Variants in IGSF10 observed in about 807,000 individuals in gnomAD.
The protein encoded by IGSF10 is immunoglobulin superfamily member 10, also known as calvaria mechanical force protein 608.
In IGSF10, 126 loss-of-function variants were observed where a neutral mutation model predicts 128.2. That is an observed-to-expected ratio of 0.98 (90% CI 0.85 to 1.14). IGSF10 has a LOEUF of 1.14. Ranked by LOEUF, IGSF10 falls within the 50% of genes most tolerant of loss-of-function variation. The pLI is 0.00. For synonymous variants in IGSF10, 1,185 were observed against 1,146.2 expected, an observed-to-expected ratio of 1.03 and a Z score of -0.68; for missense variants, 3,295 against 3,149.8, an observed-to-expected ratio of 1.05 and a Z score of -1.10.
chr3:151,508,641 T>G, the IGSF10 span, among the ~76,000 whole-genome samples: 1 of 152,200 alleles, frequency 6.6e-6, no homozygotes, highest in Non-Finnish European at 1.5e-5. Context: ...TTTAAATCTT[T>G]GACATATTTG....
the IGSF10 span, among the ~76,000 whole-genome samples, chr3:151,470,090 A>G: frequency 8.5e-5 from 13 of 152,270 alleles, no homozygotes; most frequent in South Asian, 2.7e-3. Context: ...TGCCACAAGG[A>G]TTTACCAAAG....
At chr3:151,530,153 A>G in the IGSF10 span, among the ~76,000 whole-genome samples, 1 of 151,946 alleles carries the variant, frequency 6.6e-6, no homozygotes, top group Non-Finnish European at 1.5e-5. Flanking sequence ...AGACGTCAAG[A>G]TTAGAGAAAA....
At chr3:151,433,210 T>C (rs1337637799), downstream of IGSF10, 1 of 158,068 alleles carries the variant, frequency 6.3e-6, no homozygotes, top group Non-Finnish European at 1.4e-5. Context: ...TTCCAAACTG[T>C]GCTGGACCAA....
At chr3:151,534,418 T>C in the IGSF10 span, among the ~76,000 whole-genome samples, 13 of 152,158 alleles carry the variant, frequency 8.5e-5, no homozygotes, top group Non-Finnish European at 4.4e-5. Context: ...TGCCCATCAA[T>C]GATAGACCAG....
the IGSF10 span, among the ~76,000 whole-genome samples, chr3:151,584,805 G>A: frequency 6.6e-6 from 1 of 152,182 alleles, no homozygotes; most frequent in Non-Finnish European, 1.5e-5. Flanking sequence ...TCCTAGGGAA[G>A]CTGGTTCCTC....
At chr3:151,587,163 A>G in the IGSF10 span, among the ~76,000 whole-genome samples, 1 of 152,166 alleles carries the variant, frequency 6.6e-6, no homozygotes, top group Non-Finnish European at 1.5e-5. Flanking sequence ...CAGCCTCTCT[A>G]TATCTTAGAC....
Position 151,446,077 on chromosome 3 carries a change from T to C in IGSF10, c.3904A>G (p.Ile1302Val), listed in dbSNP as rs369750496. Residue 1302 changes from isoleucine to valine, a missense_variant, in exon 6 of 8, where the codon ATA becomes GTA. By Grantham distance (29) the Ile-to-Val change is conservative. Transcript: ENST00000282466. ...CTTTTTGTACTTGAGTCTTTGCTTA[T>C]AATACTAGGAAGCATAGGGTTAAGG... ...PPLNPMLPSI[I>V]SKDSSTKSII... 16 of 1,614,034 alleles carry C rather than the reference T, an allele frequency of 9.9e-6. No individual in the cohort carries two copies. Among genetic ancestry groups the C allele is most frequent in the Non-Finnish European group, 1.4e-5 (16 of 1,180,006 alleles).
the IGSF10 span, among the ~76,000 whole-genome samples, chr3:151,539,808 CT>C: frequency 2.7e-5 from 4 of 149,374 alleles, no homozygotes; most frequent in East Asian, 2.0e-4. Flanking sequence ...ATCTATCTAT[CT>C]ATCTATCATC....
chr3:151,526,423 C>T, the IGSF10 span, among the ~76,000 whole-genome samples: 1 of 151,676 alleles, frequency 6.6e-6, no homozygotes, highest in Non-Finnish European at 1.5e-5. Context: ...TTTTAAAAGA[C>T]TTGGTATAAT....
At chr3:151,565,093 T>C in the IGSF10 span, among the ~76,000 whole-genome samples, 129 of 152,288 alleles carry the variant, frequency 8.5e-4, no homozygotes, top group African/African-American at 2.9e-3. Context: ...TATTATGCTA[T>C]ACTTTCTCTC....
chr3:151,486,326 C>G, the IGSF10 span, among the ~76,000 whole-genome samples: 1 of 152,156 alleles, frequency 6.6e-6, no homozygotes, highest in Non-Finnish European at 1.5e-5. Flanking sequence ...AAAGCAAGTT[C>G]TTAGAGCCCT....
the IGSF10 span, among the ~76,000 whole-genome samples, chr3:151,502,271 AC>A: frequency 6.6e-6 from 1 of 152,030 alleles, no homozygotes; most frequent in South Asian, 2.1e-4. Flanking sequence ...AGTATCAACA[AC>A]AAGTTCAGGA....
At chr3:151,471,635 A>G in the IGSF10 span, among the ~76,000 whole-genome samples, 3 of 152,232 alleles carry the variant, frequency 2.0e-5, no homozygotes, top group African/African-American at 7.2e-5. Context: ...GGAATGATAT[A>G]GAAACTATGA....
At chr3:151,558,013 T>TATATAATATATATATATATATA in the IGSF10 span, among the ~76,000 whole-genome samples, 4 of 26,706 alleles carry the variant, frequency 1.5e-4, no homozygotes, top group Admixed American at 6.0e-4. Context: ...ATAATATATA[T>TATATAATATATATATATATATA]ATATAATATA....
the IGSF10 span, among the ~76,000 whole-genome samples, chr3:151,485,983 C>T: frequency 6.6e-6 from 1 of 151,988 alleles, no homozygotes; most frequent in Non-Finnish European, 1.5e-5. Context: ...GCTAAGTGTC[C>T]CAATTAAAAG....
chr3:151,513,575 C>G, the IGSF10 span, among the ~76,000 whole-genome samples: 1 of 152,164 alleles, frequency 6.6e-6, no homozygotes, highest in African/African-American at 2.4e-5. Context: ...CAGGGATGCC[C>G]TCTCTCACCA....
chr3:151,496,751 C>A, the IGSF10 span, among the ~76,000 whole-genome samples: 1 of 151,724 alleles, frequency 6.6e-6, no homozygotes, highest in African/African-American at 2.4e-5. Context: ...GAGGAATTTC[C>A]ACACTGACTT....
At chr3:151,543,634 C>T in the IGSF10 span, among the ~76,000 whole-genome samples, 1 of 152,142 alleles carries the variant, frequency 6.6e-6, no homozygotes, top group African/African-American at 2.4e-5. Flanking sequence ...CTGAGCCAAG[C>T]CCCTGTGCAC....
At chr3:151,495,430 G>A in the IGSF10 span, among the ~76,000 whole-genome samples, 3 of 152,054 alleles carry the variant, frequency 2.0e-5, no homozygotes, top group Non-Finnish European at 4.4e-5. Flanking sequence ...GAATGTCAAT[G>A]AATACTCATG....
Sources: allele counts gnomAD v4.1 joint callset (sites outside exome capture counted in the v4.1 genomes callset), GRCh38; gene constraint gnomAD v4.1.1; transcripts MANE v1.5; gene names NCBI Gene and HGNC (gene_info 2026-07-23, HGNC 2026-07-21).